Variants in GDAP1 observed in about 807,000 individuals in gnomAD.
The protein encoded by GDAP1 is ganglioside induced differentiation associated protein 1, also known as ganglioside-induced differentiation-associated protein 1.
A neutral mutation model predicts 40.1 loss-of-function variants in GDAP1; 34 were observed. That is an observed-to-expected ratio of 0.85 (90% confidence interval 0.64 to 1.13). GDAP1 has a LOEUF of 1.13. Ranked by LOEUF, GDAP1 falls within the 50% of genes most tolerant of loss-of-function variation. The pLI, the probability that GDAP1 is intolerant of heterozygous loss-of-function variation, is 0.00. For missense variants in GDAP1, 374 were observed against 433.7 expected (o/e 0.86, Z 1.22); for synonymous variants, 170 against 157.4 (o/e 1.08, Z -0.60).
intron 2 of GDAP1, among the ~76,000 whole-genome samples, chr8:74,470,035 A>T (rs1235869027): frequency 1.3e-5 from 2 of 152,102 alleles, no homozygotes; most frequent in South Asian, 4.1e-4. Flanking sequence ...TTGAGCCTGG[A>T]GGTTTATTTG....
rs763558923 is a variant in GDAP1, at chr8:74,365,443, T to C, written c.*1076T>C. ...ACCTCAGTTCATGTGGAAGGGACAGTCTCGGTGTGTCCCATGAATAACCTT... is the reference window on the plus strand; with the variant it reads ...ACCTCAGTTCATGTGGAAGGGACAGCCTCGGTGTGTCCCATGAATAACCTT... On this transcript the variant is annotated 3_prime_UTR_variant, in exon 6 of 6. Coordinates refer to ENST00000220822, the MANE Select transcript of GDAP1 (RefSeq NM_018972.4). The C allele has an allele frequency of 6.2e-5, 28 of 453,960 alleles. No individual in the cohort carries two copies. The highest frequency in any genetic ancestry group is 6.9e-4 in the Middle Eastern group (1 of 1,444). 28.1% of individuals were successfully genotyped at this position (453,960 alleles called of 1,614,324 possible). A position where few individuals can be genotyped will look rare whatever the true frequency, so the allele number is the denominator to read the frequency against.
chr8:74,477,890 T>C (rs1279652893), intron 2 of GDAP1, among the ~76,000 whole-genome samples: 1 of 152,056 alleles, frequency 6.6e-6, no homozygotes, highest in African/African-American at 2.4e-5. Context: ...ATTAGCAGCA[T>C]GGTTGGGGTG....
chr8:74,360,072 T>TAG lies in GDAP1; in HGVS notation c.311-65_311-64insAG, dbSNP rs1199073917. 5.1e-6 allele frequency: 6 copies of TAG among 1,177,468 alleles called. No homozygotes were observed. The African/African-American group carries it at 9.0e-5, about 18-fold the overall frequency. The allele number at this position is 1,177,468 out of a possible 1,614,324, so 72.9% of individuals were successfully genotyped here. ...AATGATGAGTGGATAGTGTTTTTGT[T>TAG]TTGCTTTTGAGTGTAACAACTCATG... On this transcript the variant is annotated intron_variant, in intron 2 of 5. Coordinates refer to ENST00000220822, the MANE Select transcript of GDAP1 (RefSeq NM_018972.4).
chr8:74,415,382 C>G (rs1318673813), intron 2 of GDAP1, among the ~76,000 whole-genome samples: 1 of 149,968 alleles, frequency 6.7e-6, no homozygotes, highest in Non-Finnish European at 1.5e-5. Context: ...GCATGCCTCC[C>G]CCACTTGGAA....
At position 74,351,271 on chromosome 8, in the gene GDAP1, C is replaced by G. The variant is rs750762719; in HGVS notation, c.118-3C>G. ...TTGTAGTAACCAGTGTGAACTCTTC[C>G]AGGTGCGCTTGGTAATTGCTGAAAA... On this transcript the variant is annotated splice_polypyrimidine_tract_variant and splice_region_variant and intron_variant, in intron 1 of 5. Transcript: ENST00000220822. 3 of 1,613,166 alleles carry G rather than the reference C, an allele frequency of 1.9e-6. No homozygotes were observed. Among genetic ancestry groups the G allele is most frequent in the Non-Finnish European group, 2.5e-6 (3 of 1,179,098 alleles).
At chr8:74,486,399 A>C (rs1056962501) in intron 2 of GDAP1, among the ~76,000 whole-genome samples, 1 of 152,162 alleles carries the variant, frequency 6.6e-6, no homozygotes, top group South Asian at 2.1e-4. Flanking sequence ...GGTTTCCTTC[A>C]CATGTCTAGC....
intron 2 of GDAP1, among the ~76,000 whole-genome samples, chr8:74,443,751 G>A (rs887291108): frequency 6.6e-6 from 1 of 152,194 alleles, no homozygotes; most frequent in African/African-American, 2.4e-5. Context: ...TGCAGGCTGG[G>A]AGGCTTCCTT....
At chr8:74,356,642 A>G (rs1809103098) in intron 2 of GDAP1, among the ~76,000 whole-genome samples, 1 of 143,528 alleles carries the variant, frequency 7.0e-6, no homozygotes, top group South Asian at 2.2e-4. Context: ...TCATAACTTA[A>G]TTGTTTAATA....
rs1231809460 is a variant in GDAP1, at chr8:74,360,253, C to T, written c.427C>T (p.His143Tyr). ...MDAYTHGCILHPELTVDSMIP... is the reference protein window; with the variant it reads ...MDAYTHGCILYPELTVDSMIP... ...TGCCTATACACATGGCTGCATTTTA[C>T]ATCCTGAGTTAACTGTGGACTCCAT... is the stretch of plus-strand genomic sequence containing the variant. Residue 143 changes from histidine to tyrosine, a missense_variant, in exon 3 of 6, where the codon CAT (histidine) becomes TAT (tyrosine). By Grantham distance (83) the His-to-Tyr change is moderately conservative. Transcript: ENST00000220822. 3.1e-6 allele frequency: 5 copies of T among 1,613,872 alleles called. No homozygotes were observed. The highest frequency in any genetic ancestry group is 3.4e-6 in the Non-Finnish European group (4 of 1,179,764).
At chr8:74,388,684 G>T (rs1810061614) in intron 2 of GDAP1, among the ~76,000 whole-genome samples, 1 of 152,166 alleles carries the variant, frequency 6.6e-6, no homozygotes, top group Admixed American at 6.5e-5. Context: ...TTCTGTTGAT[G>T]TCTGTTAGGT....
At chr8:74,377,381 A>G (rs1003908317) in intron 2 of GDAP1, among the ~76,000 whole-genome samples, 5 of 152,206 alleles carry the variant, frequency 3.3e-5, no homozygotes, top group Non-Finnish European at 7.3e-5. Context: ...AATGGGCAAA[A>G]GCTTGAATAG....
chr8:74,350,681 G>T, intron 1 of GDAP1, 103 bp downstream of exon 1: 1 of 837,238 alleles, frequency 1.2e-6, no homozygotes, highest in Non-Finnish European at 2.1e-6. Context: ...CTAGAAATCC[G>T]CCTCCAGTGT....
chr8:74,402,911 G>GTTC (rs1314678969), intron 2 of GDAP1, among the ~76,000 whole-genome samples: 1 of 149,432 alleles, frequency 6.7e-6, no homozygotes, highest in Non-Finnish European at 1.5e-5. Context: ...TGTTGTTGTT[G>GTTC]TTGTTGAGTT....
At chr8:74,479,068 T>G (rs1806673249) in intron 2 of GDAP1, among the ~76,000 whole-genome samples, 1 of 152,216 alleles carries the variant, frequency 6.6e-6, no homozygotes, top group South Asian at 2.1e-4. Context: ...AAGATACTCC[T>G]CCTGATTGAG....
At chr8:74,396,615 T>C (rs1349758964) in intron 2 of GDAP1, among the ~76,000 whole-genome samples, 16 of 152,074 alleles carry the variant, frequency 1.1e-4, no homozygotes, top group Non-Finnish European at 1.8e-4. Context: ...GTTTGGTTTT[T>C]TGTCCTTGCG....
intron 2 of GDAP1, among the ~76,000 whole-genome samples, chr8:74,394,974 A>G (rs1810171484): frequency 6.6e-6 from 1 of 152,172 alleles, no homozygotes; most frequent in East Asian, 1.9e-4. Flanking sequence ...TGCTGCTTTA[A>G]CTGGACTTTT....
intron 2 of GDAP1, among the ~76,000 whole-genome samples, chr8:74,373,346 G>T (rs1476291347): frequency 6.6e-6 from 1 of 152,160 alleles, no homozygotes; most frequent in African/African-American, 2.4e-5. Flanking sequence ...ATTACCTTGG[G>T]CAGTGTGGCC....
chr8:74,424,301 C>T (rs147224664), intron 2 of GDAP1, among the ~76,000 whole-genome samples: 7 of 152,210 alleles, frequency 4.6e-5, no homozygotes, highest in South Asian at 2.1e-4. Flanking sequence ...TGTCAATCCA[C>T]GCTGATTGAA....
chr8:74,462,105 C>T (rs992308343), intron 2 of GDAP1, among the ~76,000 whole-genome samples: 2 of 152,114 alleles, frequency 1.3e-5, no homozygotes, highest in African/African-American at 2.4e-5. Context: ...GGTATCTAAA[C>T]AAACTTTATT....
Sources: gnomAD v4.1 joint callset for allele counts (sites outside exome capture counted in the v4.1 genomes callset) on GRCh38, gnomAD v4.1.1 for gene constraint, MANE v1.5 for transcripts, NCBI Gene and HGNC (gene_info 2026-07-23, HGNC 2026-07-21) for gene names.